The following NIPBL variants were observed in gnomAD, a reference collection of about 807,000 sequenced individuals.
NIPBL encodes NIPBL cohesin loading factor.
A neutral mutation model predicts 321.8 loss-of-function variants in NIPBL; 19 were observed. That is an observed-to-expected ratio of 0.06 (90% CI 0.04 to 0.09). The LOEUF is 0.09. NIPBL is among the 10% of genes least tolerant of loss of function. NIPBL has a pLI of 1.00. For synonymous variants in NIPBL, 1,106 were observed against 1,114.1 expected, an observed-to-expected ratio of 0.99 and a Z score of 0.14; for missense variants, 2,210 against 3,327.0, an observed-to-expected ratio of 0.66 and a Z score of 8.26.
intron 32 of NIPBL, among the ~76,000 whole-genome samples, chr5:37,034,369 G>T (rs981036182): frequency 1.3e-5 from 2 of 152,136 alleles, no homozygotes; most frequent in Non-Finnish European, 2.9e-5. Flanking sequence ...TGTATCCAAT[G>T]ACCCAGCAAT....
intron 33 of NIPBL, 115 bp downstream of exon 33, chr5:37,036,602 C>T: frequency 2.9e-6 from 1 of 339,866 alleles, no homozygotes; most frequent in Non-Finnish European, 5.5e-6. Context: ...GATTACTTCA[C>T]TTTTAAATGA....
chr5:36,978,701 C>T (rs1249383696), intron 9 of NIPBL, among the ~76,000 whole-genome samples: 1 of 151,956 alleles, frequency 6.6e-6, no homozygotes, highest in South Asian at 2.1e-4. Context: ...AGGTTTTCTT[C>T]TAGGATTTTT....
At chr5:36,922,064 T>A (rs181265807) in intron 1 of NIPBL, among the ~76,000 whole-genome samples, 180 of 152,054 alleles carry the variant, frequency 1.2e-3, no homozygotes, top group Non-Finnish European at 2.3e-3. Flanking sequence ...TTTTTGTTAT[T>A]TTTAGTAGAG....
chr5:37,014,200 AGAGAGGGAGAGGGAGACCGTG>A (rs1164814763), intron 21 of NIPBL, among the ~76,000 whole-genome samples: 3 of 151,748 alleles, frequency 2.0e-5, no homozygotes, highest in East Asian at 1.9e-4. Context: ...GACCGTGGAA[AGAGAGGGAGAGGGAGACCGTG>A]GAGAGGGAGA....
Position 36,876,798 on chromosome 5 carries a change from A to C in NIPBL, c.-460A>C, listed in dbSNP as rs894875522. ...TGTTCTGAGAGGGAGAGACGGAACG[A>C]GAGAGAGACACACACAGGGCTCCTT... On this transcript the variant is annotated 5_prime_UTR_variant, in exon 1 of 47. Transcript: ENST00000282516. 7 of 396,622 alleles carry C rather than the reference A, an allele frequency of 1.8e-5. No individual in the cohort carries two copies. The highest frequency in any genetic ancestry group is 2.7e-5 in the Non-Finnish European group (6 of 224,742). The allele number at this position is 396,622 out of a possible 1,614,324, so 24.6% of individuals were successfully genotyped here. A position where few individuals can be genotyped will look rare whatever the true frequency, so the allele number is the denominator to read the frequency against.
Position 37,001,209 on chromosome 5 carries a change from G to A in NIPBL, c.3664+131G>A, listed in dbSNP as rs1746757280. The A allele has an allele frequency of 2.7e-5, 18 of 669,298 alleles. No individual in the cohort carries two copies. In the South Asian group the frequency reaches 2.7e-4, roughly 10 times the overall value. 41.5% of individuals were successfully genotyped at this position (669,298 alleles called of 1,614,324 possible). A position where few individuals can be genotyped will look rare whatever the true frequency, so the allele number is the denominator to read the frequency against. On this transcript the variant is annotated intron_variant, in intron 14 of 46. Transcript: ENST00000282516. The stretch of plus-strand genomic sequence containing the variant: ...CTGGTTGTTGTTGTGATCACTTGTT[G>A]CTGACAATGATAAACTTTCTAGTCT...
chr5:37,013,877 A>C (rs1748569445), intron 21 of NIPBL, among the ~76,000 whole-genome samples: 1 of 152,212 alleles, frequency 6.6e-6, no homozygotes, highest in African/African-American at 2.4e-5. Context: ...TGGAGGTTGT[A>C]GCCAGCCGAG....
At chr5:36,913,607 A>G (rs915609915) in intron 1 of NIPBL, among the ~76,000 whole-genome samples, 1 of 152,070 alleles carries the variant, frequency 6.6e-6, no homozygotes, top group African/African-American at 2.4e-5. Context: ...TCCTGGGCTC[A>G]AGCAGTCCTT....
At chr5:36,924,875 T>C (rs1328793040) in intron 1 of NIPBL, among the ~76,000 whole-genome samples, 1 of 152,196 alleles carries the variant, frequency 6.6e-6, no homozygotes, top group East Asian at 1.9e-4. Context: ...CCTGGGGGCC[T>C]CTATTAAAGG....
intron 4 of NIPBL, 78 bp downstream of exon 4, chr5:36,958,309 C>G (rs990745997): frequency 8.9e-6 from 13 of 1,462,668 alleles, no homozygotes; most frequent in Middle Eastern, 1.8e-4. Flanking sequence ...CTTTAACAAG[C>G]TGGCCTATCA....
At chr5:37,015,183 G>A (rs1408158934) in intron 22 of NIPBL, among the ~76,000 whole-genome samples, 1 of 151,804 alleles carries the variant, frequency 6.6e-6, no homozygotes, top group African/African-American at 2.4e-5. Flanking sequence ...GAGTGCAATG[G>A]CACGATCTCA....
chr5:37,010,006 A>AC, intron 20 of NIPBL, 81 bp from the exon 21 acceptor site: 1 of 1,060,100 alleles, frequency 9.4e-7, no homozygotes, highest in Non-Finnish European at 1.5e-6. Context: ...CAAACACAGT[A>AC]TCGTGAAACT....
intron 14 of NIPBL, 54 bp downstream of exon 14, chr5:37,001,132 C>A: frequency 1.7e-6 from 2 of 1,188,408 alleles, no homozygotes; most frequent in Non-Finnish European, 1.3e-6. Context: ...TAACTGTATC[C>A]TCTAGAGTAA....
At chr5:36,934,953 A>G (rs1750048201) in intron 1 of NIPBL, among the ~76,000 whole-genome samples, 2 of 152,104 alleles carry the variant, frequency 1.3e-5, no homozygotes, top group Non-Finnish European at 2.9e-5. Flanking sequence ...CACACTCACC[A>G]TGCGCGTTGA....
At position 36,985,803 on chromosome 5, in the gene NIPBL, G is replaced by A. The variant is rs1744719231; in HGVS notation, c.2623G>A (p.Gly875Arg). The A allele has an allele frequency of 4.3e-6, 7 of 1,613,798 alleles. No individual in the cohort carries two copies. In the African/African-American group the frequency reaches 6.7e-5, roughly 15 times the overall value. ...AGAACGAAAACACAGGCATGAATCA[G>A]GGGACTCAAGGGAAAGACCATCTTC... is the stretch of plus-strand genomic sequence containing the variant. The part of the protein sequence containing the change: ...KLERKHRHES[G>R]DSRERPSSGE... The change falls in exon 10 of 47, where the codon GGG becomes AGG. Residue 875 changes from glycine to arginine, a missense_variant. By Grantham distance (125) the Gly-to-Arg change is moderately radical (BLOSUM62 -2). Transcript: ENST00000282516.
chr5:36,883,968 C>T (rs1745693412), intron 1 of NIPBL, among the ~76,000 whole-genome samples: 1 of 151,982 alleles, frequency 6.6e-6, no homozygotes, highest in South Asian at 2.1e-4. Context: ...GCGTATACCT[C>T]AGAAAGCTCT....
chr5:36,884,216 T>A (rs886441143), intron 1 of NIPBL, among the ~76,000 whole-genome samples: 2 of 152,120 alleles, frequency 1.3e-5, no homozygotes, highest in Non-Finnish European at 2.9e-5. Flanking sequence ...AGCAAATTTT[T>A]ACATACTGTG....
chr5:36,967,956 G>T (rs1742392081), intron 6 of NIPBL, among the ~76,000 whole-genome samples: 1 of 151,890 alleles, frequency 6.6e-6, no homozygotes, highest in Non-Finnish European at 1.5e-5. Context: ...AATTAGCCAG[G>T]CAAGGTGGTG....
chr5:37,002,337 C>G (rs944450239), intron 14 of NIPBL, among the ~76,000 whole-genome samples: 1 of 152,190 alleles, frequency 6.6e-6, no homozygotes, highest in African/African-American at 2.4e-5. Context: ...CAAACCCAAA[C>G]AAAAGCCAGA....
Sources: allele counts gnomAD v4.1 joint callset (sites outside exome capture counted in the v4.1 genomes callset), GRCh38; gene constraint gnomAD v4.1.1; transcripts MANE v1.5; gene names NCBI Gene and HGNC (gene_info 2026-07-23, HGNC 2026-07-21).